Variants in TRPC7 observed in about 807,000 individuals in gnomAD.
TRPC7 encodes transient receptor potential cation channel subfamily C member 7, also known as short transient receptor potential channel 7.
In TRPC7, 42 loss-of-function variants were observed where a neutral mutation model predicts 90.1. The ratio of observed to expected loss-of-function variants is 0.47; its 90% CI spans 0.36 to 0.60. The LOEUF is 0.60. TRPC7 is among the 20% of genes least tolerant of loss of function. The pLI, the probability that TRPC7 is intolerant of heterozygous loss-of-function variation, is 0.00. For missense variants in TRPC7, 955 were observed against 1,112.3 expected, an observed-to-expected ratio of 0.86 and a Z score of 2.01; for synonymous variants, 451 against 436.3, an observed-to-expected ratio of 1.03 and a Z score of -0.42.
chr5:136,212,771 C>A lies in TRPC7; in HGVS notation c.*664G>T, dbSNP rs1424260251. ...TATTATGAGGTAATTTTATTTCTTT[C>A]CATTTTAGGTAAAAATAGTAAATAC... On this transcript the variant is annotated 3_prime_UTR_variant, in exon 12 of 12. Transcript: ENST00000513104. 6.6e-6 allele frequency among the ~76,000 whole-genome samples: 1 copy of A among 152,116 alleles called. No homozygotes were observed. The highest frequency in any genetic ancestry group is 1.5e-5 in the Non-Finnish European group (1 of 68,020).
At chr5:136,306,469 G>A (rs1003534739) in intron 3 of TRPC7, among the ~76,000 whole-genome samples, 13 of 151,864 alleles carry the variant, frequency 8.6e-5, no homozygotes, top group African/African-American at 1.7e-4. Context: ...GAGAAACATC[G>A]CCCATTCTCT....
At chr5:136,324,956 G>C (rs756429480) in intron 2 of TRPC7, among the ~76,000 whole-genome samples, 7 of 152,166 alleles carry the variant, frequency 4.6e-5, no homozygotes, top group African/African-American at 9.7e-5. Context: ...TGCAGTTATG[G>C]GGAAAGAATG....
At chr5:136,323,930 T>G (rs1759272529) in intron 2 of TRPC7, among the ~76,000 whole-genome samples, 1 of 152,232 alleles carries the variant, frequency 6.6e-6, no homozygotes, top group Non-Finnish European at 1.5e-5. Context: ...CTCTTTTGAA[T>G]TCTCCAAACC....
intron 1 of TRPC7, among the ~76,000 whole-genome samples, chr5:136,358,257 C>T (rs553332007): frequency 6.6e-6 from 1 of 152,244 alleles, no homozygotes; most frequent in East Asian, 1.9e-4. Flanking sequence ...AGAAATAGCT[C>T]AACTTATATG....
At chr5:136,294,127 T>C (rs1460332355) in intron 3 of TRPC7, among the ~76,000 whole-genome samples, 1 of 152,132 alleles carries the variant, frequency 6.6e-6, no homozygotes, top group Non-Finnish European at 1.5e-5. Flanking sequence ...TTACACCTTA[T>C]ACAAAAATTA....
chr5:136,305,056 C>A (rs1758564319), intron 3 of TRPC7, among the ~76,000 whole-genome samples: 1 of 152,188 alleles, frequency 6.6e-6, no homozygotes, highest in South Asian at 2.1e-4. Context: ...AATCTGTTTT[C>A]TTCCTCATAC....
Position 136,247,637 on chromosome 5 carries a change from G to T in TRPC7, c.1678C>A (p.Pro560Thr), listed in dbSNP as rs758723458. Reference protein sequence around the residue: ...LSFSRIAYILPANESFGPLQI... With the variant: ...LSFSRIAYILTANESFGPLQI... ...AGGGGCCCAAAACTCTCGTTGGCTG[G>T]CAGAATGTATGCAATGCGAGAGAAG... Residue 560 changes from proline to threonine, a missense_variant, in exon 7 of 12, where the codon CCA (proline) becomes ACA (threonine). Around this residue, in one of 4 missense-constraint regions of TRPC7, gnomAD observed 296 missense variants for 422.7 expected, o/e 0.70. Coordinates refer to ENST00000513104, the MANE Select transcript of TRPC7 (RefSeq NM_020389.3). This position sits in a 1 kb window ranked among gnomAD's most constrained non-coding sequence, Gnocchi z 4.2. The T allele has an allele frequency of 2.7e-5, 44 of 1,613,882 alleles. No individual in the cohort carries two copies. The highest frequency in any genetic ancestry group is 2.7e-5 in the Non-Finnish European group (32 of 1,179,888).
At chr5:136,271,871 G>A (rs1444721930) in intron 4 of TRPC7, among the ~76,000 whole-genome samples, 2 of 152,058 alleles carry the variant, frequency 1.3e-5, no homozygotes, top group Non-Finnish European at 1.5e-5. Context: ...CTTTCTTAGG[G>A]ACCCTCAGAA....
At chr5:136,307,214 T>C (rs1221151753) in intron 3 of TRPC7, among the ~76,000 whole-genome samples, 2 of 152,230 alleles carry the variant, frequency 1.3e-5, no homozygotes, top group African/African-American at 4.8e-5. Context: ...GTTACCATGT[T>C]GTGCAATAAA....
intron 3 of TRPC7, among the ~76,000 whole-genome samples, chr5:136,287,470 A>G (rs1267307870): frequency 1.3e-5 from 2 of 151,820 alleles, no homozygotes; most frequent in Non-Finnish European, 2.9e-5. Flanking sequence ...CCTTGGAGGT[A>G]GATGGACCCC....
intron 3 of TRPC7, among the ~76,000 whole-genome samples, chr5:136,292,706 A>T (rs1168127606): frequency 6.6e-6 from 1 of 152,208 alleles, no homozygotes; most frequent in Non-Finnish European, 1.5e-5. Context: ...GCCGAATTCT[A>T]CCAGAGGTAC....
chr5:136,358,249 A>G lies in TRPC7; in HGVS notation c.3-864T>C, dbSNP rs945761409. On this transcript the variant is annotated intron_variant, in intron 1 of 11. Transcript: ENST00000513104. ...GCCTGGATTTCTATATGGATGGAAG[A>G]AATAGCTCAACTTATATGCTGGGTC... 1.6e-4 allele frequency among the ~76,000 whole-genome samples: 25 copies of G among 152,328 alleles called. 1 individual carries two copies. The highest frequency in any genetic ancestry group is 3.5e-4 in the Non-Finnish European group (24 of 68,020).
chr5:136,265,214 C>T (rs1214334270), intron 5 of TRPC7, among the ~76,000 whole-genome samples: 4 of 152,084 alleles, frequency 2.6e-5, no homozygotes, highest in African/African-American at 9.7e-5. Flanking sequence ...GAAAATTATA[C>T]CAATATTAAA....
chr5:136,316,277 C>T (rs1183610599), intron 2 of TRPC7, among the ~76,000 whole-genome samples: 1 of 152,138 alleles, frequency 6.6e-6, no homozygotes, highest in Non-Finnish European at 1.5e-5. Flanking sequence ...ACACTTCGCT[C>T]ATTTACCACT....
chr5:136,262,343 T>C (rs991787402), intron 5 of TRPC7, among the ~76,000 whole-genome samples: 2 of 152,226 alleles, frequency 1.3e-5, no homozygotes, highest in African/African-American at 2.4e-5. Flanking sequence ...TGCTGTTCCT[T>C]GAACACGTCC....
At chr5:136,251,937 C>T (rs1332318944) in intron 5 of TRPC7, 55 bp from the exon 6 acceptor site, 3 of 1,431,238 alleles carry the variant, frequency 2.1e-6, no homozygotes, top group African/African-American at 1.4e-5. Flanking sequence ...GCATTTGTGA[C>T]CGCATGAGGT....
intron 4 of TRPC7, 80 bp from the exon 5 acceptor site, chr5:136,266,516 A>G (rs1283682144): frequency 8.7e-6 from 11 of 1,265,580 alleles, no homozygotes; most frequent in African/African-American, 1.5e-5. Flanking sequence ...CGCTTTCACC[A>G]AAGTTTAACC....
chr5:136,351,905 T>A (rs1342240701), intron 2 of TRPC7, among the ~76,000 whole-genome samples: 2 of 152,218 alleles, frequency 1.3e-5, no homozygotes, highest in African/African-American at 4.8e-5. Flanking sequence ...TAGCAACCCA[T>A]TGATAAACAG....
At chr5:136,346,012 A>G (rs1247420258) in intron 2 of TRPC7, among the ~76,000 whole-genome samples, 4 of 152,016 alleles carry the variant, frequency 2.6e-5, no homozygotes, top group Non-Finnish European at 4.4e-5. Context: ...ACAGTTGTAG[A>G]TGTGTGGTAT....
Sources: gnomAD v4.1 joint callset for allele counts (sites outside exome capture counted in the v4.1 genomes callset) on GRCh38, gnomAD v4.1.1 for gene constraint, gnomAD v4.1.1 regional missense constraint, Gnocchi (gnomAD v3.1) non-coding constraint, MANE v1.5 for transcripts, NCBI Gene and HGNC (gene_info 2026-07-23, HGNC 2026-07-21) for gene names.